Variants in VAV1 observed in about 807,000 individuals in gnomAD.
VAV1 encodes the protein proto-oncogene vav.
Under a neutral mutation model 128.1 loss-of-function variants are expected in VAV1, and 33 were observed. The ratio of observed to expected loss-of-function variants is 0.26; its 90% confidence interval spans 0.20 to 0.34. The LOEUF is 0.34. Among genes scored for constraint, VAV1 ranks in the 10% least tolerant of loss-of-function variants. The probability of loss-of-function intolerance (pLI) is 1.00; values close to 1 mark genes in which losing one functional copy is unlikely to be tolerated. For missense variants in VAV1, 715 were observed against 1,093.7 expected (o/e 0.65, Z 4.88); for synonymous variants, 394 against 409.8 (o/e 0.96, Z 0.47).
Position 6,822,072 on chromosome 19 carries a change from C to T in VAV1, c.450-149C>T. On this transcript the variant is annotated intron_variant, in intron 4 of 26. Transcript: ENST00000602142. The surrounding 1 kb of genome is among the most constrained non-coding windows in gnomAD (Gnocchi z 5.9). ...TGGGGTCTTGGGGGACATGGCCCTG[C>T]CCTGGAGCTTGGAGGGACATGGCCT... The T allele has an allele frequency of 4.1e-6, 4 of 984,130 alleles. No individual in the cohort carries two copies. Among genetic ancestry groups the T allele is most frequent in the Non-Finnish European group, 4.6e-6 (3 of 655,662 alleles). 61.0% of individuals were successfully genotyped at this position (984,130 alleles called of 1,614,324 possible). A position where few individuals can be genotyped will look rare whatever the true frequency, so the allele number is the denominator to read the frequency against.
chr19:6,783,251 T>G (rs1254092636), intron 1 of VAV1, among the ~76,000 whole-genome samples: 1 of 152,220 alleles, frequency 6.6e-6, no homozygotes, highest in African/African-American at 2.4e-5. Context: ...ACTTCAGTGA[T>G]AGTGAGACTT....
intron 1 of VAV1, among the ~76,000 whole-genome samples, chr19:6,793,194 C>T (rs1449403006): frequency 1.3e-5 from 2 of 152,058 alleles, no homozygotes; most frequent in Non-Finnish European, 2.9e-5. Flanking sequence ...ATTAGCCAGG[C>T]ATGGTGGCGG....
At position 6,857,274 on chromosome 19, in the gene VAV1, T is replaced by C; in HGVS notation, c.*167T>C. On this transcript the variant is annotated 3_prime_UTR_variant, in exon 27 of 27. Coordinates refer to ENST00000602142, the MANE Select transcript of VAV1 (RefSeq NM_005428.4). Reference sequence around the variant, plus strand: ...GCTCCCGGGATGTGCCCTGACATGGTTAATTTATAACACCCCGATTTCCTC... The same window carrying C: ...GCTCCCGGGATGTGCCCTGACATGGCTAATTTATAACACCCCGATTTCCTC... 1 of 853,060 alleles carries C rather than the reference T, an allele frequency of 1.2e-6. No homozygotes were observed. Among genetic ancestry groups the C allele is most frequent in the East Asian group, 2.7e-5 (1 of 36,926 alleles). 52.8% of individuals were successfully genotyped at this position (853,060 alleles called of 1,614,324 possible).
intron 1 of VAV1, among the ~76,000 whole-genome samples, chr19:6,812,535 C>A (rs2144751296): frequency 6.6e-6 from 1 of 152,206 alleles, no homozygotes; most frequent in South Asian, 2.1e-4. Context: ...TGGTGGGCGC[C>A]TGTAATCCCA....
chr19:6,816,076 G>A (rs1303940379), intron 1 of VAV1, among the ~76,000 whole-genome samples: 4 of 148,006 alleles, frequency 2.7e-5, no homozygotes, highest in Non-Finnish European at 4.4e-5. Flanking sequence ...CTGGAGTGCA[G>A]TGGCGCAATC....
intron 22 of VAV1, 101 bp downstream of exon 22, chr19:6,843,267 G>C: frequency 7.4e-7 from 1 of 1,360,290 alleles, no homozygotes; most frequent in South Asian, 1.2e-5. Context: ...TATGCATTCT[G>C]TGATCCCTGA....
At position 6,854,096 on chromosome 19, in the gene VAV1, C is replaced by T. The variant is rs535090610; in HGVS notation, c.2482C>T (p.Arg828Trp). Residue 828 changes from arginine (R) to tryptophan (W), a missense_variant and splice_region_variant, in exon 26 of 27, where the codon CGG becomes TGG. Transcript: ENST00000602142. ...CTGGTGGCGAGGGGAGATCTATGGCCGGGTGAGGCAGGCAGGGCTGGGTGA... is the reference window on the plus strand; with the variant it reads ...CTGGTGGCGAGGGGAGATCTATGGCTGGGTGAGGCAGGCAGGGCTGGGTGA... ...QGWWRGEIYG[R>W]VGWFPANYVE... is the part of the protein sequence containing the mutation. 4 of 1,612,476 alleles carry T rather than the reference C, an allele frequency of 2.5e-6. No homozygotes were observed. Among genetic ancestry groups the T allele is most frequent in the East Asian group, 2.2e-5 (1 of 44,850 alleles).
At chr19:6,776,264 T>C (rs1395607191) in intron 1 of VAV1, among the ~76,000 whole-genome samples, 15 of 87,366 alleles carry the variant, frequency 1.7e-4, no homozygotes, top group South Asian at 8.3e-4. Context: ...ATCCATCTGC[T>C]CATCCATTCA....
intron 1 of VAV1, among the ~76,000 whole-genome samples, chr19:6,805,581 G>GTACACACAC (rs1971375251): frequency 4.4e-5 from 1 of 22,638 alleles, no homozygotes; most frequent in South Asian, 2.1e-3. Flanking sequence ...CATTTCTACA[G>GTACACACAC]ATACACACAC....
intron 24 of VAV1, among the ~76,000 whole-genome samples, chr19:6,852,461 C>T (rs1410613490): frequency 1.3e-5 from 2 of 152,210 alleles, no homozygotes; most frequent in African/African-American, 2.4e-5. Context: ...GTGGCTCACG[C>T]CTGTAATCCC....
chr19:6,825,121 G>A lies in VAV1; in HGVS notation c.723G>A (p.Glu241=). ...TTGAGATCATCTTTATCAACATTGA[G>A]GTGAGCCGGCCGATCCCCAGCCCTC... ...QDIEIIFINI[E]DLLRVHTHFL... The change falls in exon 7 of 27, where the codon GAG becomes GAA. Residue 241 remains glutamate (E), a splice_region_variant and synonymous_variant. Transcript: ENST00000602142. 6.2e-7 allele frequency: 1 copy of A among 1,611,928 alleles called. No homozygotes were observed. The highest frequency in any genetic ancestry group is 8.5e-7 in the Non-Finnish European group (1 of 1,179,646).
chr19:6,857,037 T>G lies in VAV1; in HGVS notation c.2485-17T>G, dbSNP rs1383804573. ...ATGTGCAGAGGTTGCACTGATGAAC[T>G]CCTCGTCTGTTTCCAGGTTGGCTGG... On this transcript the variant is annotated splice_polypyrimidine_tract_variant and intron_variant, in intron 26 of 26. Transcript: ENST00000602142. 7.4e-6 allele frequency: 12 copies of G among 1,613,472 alleles called. No individual in the cohort carries two copies. In the African/African-American group the frequency reaches 1.3e-4, roughly 18 times the overall value.
chr19:6,837,163 G>A, intron 21 of VAV1, 113 bp downstream of exon 21: 1 of 1,116,942 alleles, frequency 9.0e-7, no homozygotes, highest in Non-Finnish European at 1.3e-6. Flanking sequence ...TGCCCATCAT[G>A]GCAGGTCTTT....
Position 6,829,868 on chromosome 19 carries a change from C to T in VAV1, c.1348C>T (p.His450Tyr), listed in dbSNP as rs757570479. 5.0e-6 allele frequency: 8 copies of T among 1,614,186 alleles called. No individual in the cohort carries two copies. In the East Asian group the frequency reaches 1.3e-4, roughly 27 times the overall value. ...TGACCTCAAGGACTTTGTAAACCTG[C>T]ACAGCTTCCAGGTTCGGGATGACTC... ...SYDLKDFVNLHSFQVRDDSSG... is the reference protein window; with the variant it reads ...SYDLKDFVNLYSFQVRDDSSG... The change falls in exon 14 of 27, where the codon CAC (histidine) becomes TAC (tyrosine). Residue 450 changes from histidine to tyrosine, a missense_variant. His to Tyr is a moderately conservative substitution (Grantham distance 83, BLOSUM62 2). Around this residue, in one of 3 missense-constraint regions of VAV1, gnomAD observed 407 missense variants for 580.6 expected, o/e 0.70. Coordinates refer to ENST00000602142, the MANE Select transcript of VAV1 (RefSeq NM_005428.4).
intron 9 of VAV1, 148 bp from the exon 10 acceptor site, chr19:6,827,928 A>G (rs1421659499): frequency 4.7e-6 from 3 of 638,722 alleles, no homozygotes; most frequent in Admixed American, 5.5e-5. Flanking sequence ...CCTTGGGGGC[A>G]GATATGATGC....
chr19:6,800,792 T>TTTTTTGTGTGTGTG (rs1555699757), intron 1 of VAV1, among the ~76,000 whole-genome samples: 14 of 147,714 alleles, frequency 9.5e-5, no homozygotes, highest in African/African-American at 3.5e-4. Context: ...TGGCAAATTT[T>TTTTTTGTGTGTGTG]TGTGTGTGTG....
chr19:6,804,544 G>C (rs1045329531), intron 1 of VAV1, among the ~76,000 whole-genome samples: 2 of 151,738 alleles, frequency 1.3e-5, no homozygotes, highest in African/African-American at 4.8e-5. Context: ...ACCCTTCTGA[G>C]TAGCTGGGAT....
In VAV1 at chr19:6,822,134, G is replaced by T. The variant is rs56044916; in HGVS notation, c.450-87G>T. The T allele has an allele frequency of 6.1e-5, 83 of 1,354,390 alleles. No homozygotes were observed. In the East Asian group the frequency reaches 1.6e-3, roughly 27 times the overall value. The allele number at this position is 1,354,390 out of a possible 1,614,324, so 83.9% of individuals were successfully genotyped here. On this transcript the variant is annotated intron_variant, in intron 4 of 26. Coordinates refer to ENST00000602142, the MANE Select transcript of VAV1 (RefSeq NM_005428.4). The surrounding 1 kb of genome is among the most constrained non-coding windows in gnomAD (Gnocchi z 5.9). ...CTGAGGTCCCACCCTTGGAGTCTTG[G>T]GGGGACAAAGCCCTGCGCTGGGGTC... is the stretch of plus-strand genomic sequence containing the variant.
At chr19:6,818,845 G>A (rs937462737) in intron 1 of VAV1, among the ~76,000 whole-genome samples, 7 of 152,190 alleles carry the variant, frequency 4.6e-5, no homozygotes, top group African/African-American at 1.7e-4. Flanking sequence ...GCCGGGCGTG[G>A]TGGCTCACAC....
Sources: gnomAD v4.1 joint callset for allele counts (sites outside exome capture counted in the v4.1 genomes callset) on GRCh38, gnomAD v4.1.1 for gene constraint, gnomAD v4.1.1 regional missense constraint, Gnocchi (gnomAD v3.1) non-coding constraint, MANE v1.5 for transcripts, NCBI Gene and HGNC (gene_info 2026-07-23, HGNC 2026-07-21) for gene names.